The following LGR5 variants were observed in gnomAD, a reference collection of about 807,000 sequenced individuals.
LGR5 encodes leucine-rich repeat-containing G protein-coupled receptor 5.
LGR5 carries 54 observed loss-of-function variants against 76.7 expected under a neutral mutation model. The observed-to-expected ratio is 0.70, with a 90% confidence interval of 0.57 to 0.88. The LOEUF (loss-of-function observed/expected upper bound fraction) is 0.88, where lower values mean the gene tolerates loss of function less well. LGR5 is among the 40% of genes least tolerant of loss of function. LGR5 has a pLI of 0.00. For missense variants in LGR5, 1,078 were observed against 1,073.3 expected (o/e 1.00, Z -0.06); for synonymous variants, 406 against 421.9 (o/e 0.96, Z 0.46).
At chr12:71,553,328 A>G (rs1343940296) in intron 5 of LGR5, 40 bp downstream of exon 5, 1 of 1,537,204 alleles carries the variant, frequency 6.5e-7, no homozygotes, top group Non-Finnish European at 9.0e-7. Context: ...ACAGTTTCTA[A>G]TGTCACTGGA....
Position 71,448,084 on chromosome 12 carries a change from A to AACACACACACACACACAC in LGR5, c.212+7804_212+7821dup, listed in dbSNP as rs35911721. On this transcript the variant is annotated intron_variant, in intron 1 of 17. Coordinates refer to ENST00000266674, the MANE Select transcript of LGR5 (RefSeq NM_003667.4). ...TCCTCGTCTCCCTCACACACACACA[A>AACACACACACACACACAC]ACACACACACACACACACACACACA... 6.4e-3 allele frequency among the ~76,000 whole-genome samples: 929 copies of AACACACACACACACACAC among 145,654 alleles called. 3 individuals carry two copies. The highest frequency in any genetic ancestry group is 9.3e-3 in the Non-Finnish European group (609 of 65,754).
chr12:71,449,032 G>A (rs34645176), intron 1 of LGR5, among the ~76,000 whole-genome samples: 3,638 of 152,310 alleles, frequency 0.024, 58 homozygotes, highest in Non-Finnish European at 0.038. Flanking sequence ...CAGTGCTGAC[G>A]GAACTGAGAG....
intron 4 of LGR5, among the ~76,000 whole-genome samples, chr12:71,541,512 C>G (rs971933423): frequency 1.4e-4 from 21 of 152,194 alleles, no homozygotes; most frequent in Admixed American, 4.6e-4. Flanking sequence ...CACAGTCTTT[C>G]TGCCTTTTCA....
chr12:71,558,684 C>A (rs986263024), intron 6 of LGR5, among the ~76,000 whole-genome samples: 2 of 152,198 alleles, frequency 1.3e-5, no homozygotes, highest in African/African-American at 4.8e-5. Context: ...AATTAAATAG[C>A]AATTCTCCAC....
intron 1 of LGR5, among the ~76,000 whole-genome samples, chr12:71,484,596 G>T (rs1439122945): frequency 6.6e-6 from 1 of 152,108 alleles, no homozygotes; most frequent in East Asian, 1.9e-4. Flanking sequence ...GAGGTTACAG[G>T]CTTTTGATTC....
chr12:71,501,716 G>A (rs1413168549), intron 1 of LGR5, among the ~76,000 whole-genome samples: 1 of 152,040 alleles, frequency 6.6e-6, no homozygotes, highest in African/African-American at 2.4e-5. Context: ...ATTGAGCCTT[G>A]TATTTTGTAT....
chr12:71,534,746 T>C (rs1876497219), intron 3 of LGR5, among the ~76,000 whole-genome samples: 1 of 152,214 alleles, frequency 6.6e-6, no homozygotes, highest in Admixed American at 6.5e-5. Flanking sequence ...CTCTTTTCCT[T>C]GGTAACTTTT....
chr12:71,475,210 A>G (rs1873274171), intron 1 of LGR5, among the ~76,000 whole-genome samples: 1 of 152,176 alleles, frequency 6.6e-6, no homozygotes, highest in Admixed American at 6.5e-5. Context: ...TTAATATGGA[A>G]TAATGACACA....
chr12:71,527,611 CT>C (rs1381308394), intron 3 of LGR5, among the ~76,000 whole-genome samples: 1 of 152,128 alleles, frequency 6.6e-6, no homozygotes, highest in Non-Finnish European at 1.5e-5. Flanking sequence ...ATAAAGCAAA[CT>C]TTTGAGGAAA....
intron 4 of LGR5, among the ~76,000 whole-genome samples, chr12:71,535,399 A>T (rs1403305339): frequency 1.3e-5 from 2 of 152,128 alleles, no homozygotes; most frequent in African/African-American, 4.8e-5. Flanking sequence ...TAGGGTGGAC[A>T]TTTAATTGCA....
Position 71,584,004 on chromosome 12 carries a change from CTG to C in LGR5, c.1997_1998del (p.Val666GlufsTer7). 6.2e-7 allele frequency: 1 copy of C among 1,614,206 alleles called. No homozygotes were observed. Among genetic ancestry groups the C allele is most frequent in the East Asian group, 2.2e-5 (1 of 44,880 alleles). On this transcript the variant is annotated frameshift_variant, in exon 18 of 18. Transcript: ENST00000266674. LOFTEE classifies it low-confidence loss of function (END_TRUNC). ...CTGGCAGCCCTGGAGCGTGGGTTCT[CTG>C]TGAAATATTCTGCAAAATTTGAAAC...
intron 1 of LGR5, among the ~76,000 whole-genome samples, chr12:71,497,177 T>C (rs1053695626): frequency 2.0e-5 from 3 of 151,964 alleles, no homozygotes; most frequent in Non-Finnish European, 2.9e-5. Flanking sequence ...TAGCCAAGTA[T>C]GGTAGTGCAA....
chr12:71,566,645 G>C lies in LGR5; in HGVS notation c.943G>C (p.Ala315Pro), dbSNP rs772740418. 20 of 1,612,874 alleles carry C rather than the reference G, an allele frequency of 1.2e-5. No individual in the cohort carries two copies. Among genetic ancestry groups the C allele is most frequent in the Non-Finnish European group, 1.4e-5 (17 of 1,179,010 alleles). Residue 315 changes from alanine (A) to proline (P), a missense_variant, in exon 10 of 18, where the codon GCC becomes CCC. By Grantham distance (27) the Ala-to-Pro change is conservative (BLOSUM62 -1). Transcript: ENST00000266674. The stretch of plus-strand genomic sequence containing the variant: ...TCCTCTTTCTAGGACTCTGAATGGT[G>C]CCTCACAAATAACTGAATTTCCTGA... ...PELRTLTLNGASQITEFPDLT... is the reference protein window; with the variant it reads ...PELRTLTLNGPSQITEFPDLT...
Position 71,584,369 on chromosome 12 carries a change from T to C in LGR5, c.2359T>C (p.Phe787Leu). The stretch of plus-strand genomic sequence containing the variant: ...AAACTGCCCTGTGGCTTTCTTGTCC[T>C]TCTCCTCTTTAATAAACCTTACATT... ...ILNCPVAFLS[F>L]SSLINLTFIS... is the part of the protein sequence containing the mutation. Residue 787 changes from phenylalanine to leucine, a missense_variant, in exon 18 of 18, where the codon TTC (phenylalanine) becomes CTC (leucine). Transcript: ENST00000266674. The C allele has an allele frequency of 6.2e-7, 1 of 1,614,216 alleles. No individual in the cohort carries two copies. Among genetic ancestry groups the C allele is most frequent in the South Asian group, 1.1e-5 (1 of 91,082 alleles).
At chr12:71,571,264 T>C in intron 11 of LGR5, 1 of 314,378 alleles carries the variant, frequency 3.2e-6, no homozygotes. Flanking sequence ...ACTAACAAAA[T>C]ATAAATGAAT....
At chr12:71,448,071 TCA>T (rs34360456) in intron 1 of LGR5, among the ~76,000 whole-genome samples, 1 of 122,074 alleles carries the variant, frequency 8.2e-6, no homozygotes, top group African/African-American at 3.3e-5. Flanking sequence ...CTCGTCTCCC[TCA>T]CACACACACA....
At chr12:71,548,321 G>GTGTGTATGTA (rs147007812) in intron 4 of LGR5, among the ~76,000 whole-genome samples, 2 of 151,146 alleles carry the variant, frequency 1.3e-5, no homozygotes, top group African/African-American at 2.4e-5. Flanking sequence ...GTGTGTGTGT[G>GTGTGTATGTA]TGTGCGTAGA....
chr12:71,440,020 C>G lies in LGR5; in HGVS notation c.-61C>G, dbSNP rs375258674. 7 of 1,526,496 alleles carry G rather than the reference C, an allele frequency of 4.6e-6. No individual in the cohort carries two copies. The highest frequency in any genetic ancestry group is 4.5e-5 in the South Asian group (4 of 89,228). The allele number at this position is 1,526,496 out of a possible 1,614,324, so 94.6% of individuals were successfully genotyped here. A position where few individuals can be genotyped will look rare whatever the true frequency, so the allele number is the denominator to read the frequency against. The stretch of plus-strand genomic sequence containing the variant: ...GAGCGGCGCCCGGCGCGCCACGGCC[C>G]GTAGCAGTCCGGTGCTGCTCTCCGC... On this transcript the variant is annotated 5_prime_UTR_variant, in exon 1 of 18. Transcript: ENST00000266674. This position sits in a 1 kb window ranked among gnomAD's most constrained non-coding sequence, Gnocchi z 5.3.
Position 71,463,549 on chromosome 12 carries a change from C to G in LGR5, c.212+23257C>G, listed in dbSNP as rs937052688. Among the ~76,000 whole-genome samples the G allele has an allele frequency of 3.9e-5, 6 of 152,162 alleles. No homozygotes were observed. In the East Asian group the frequency reaches 1.2e-3, roughly 29 times the overall value. Reference sequence around the variant, plus strand: ...AAAATGAGACTGGTTCTACAAAGTACTCAGTACAGCACCTAGCAGATAGCA... The same window carrying G: ...AAAATGAGACTGGTTCTACAAAGTAGTCAGTACAGCACCTAGCAGATAGCA... On this transcript the variant is annotated intron_variant, in intron 1 of 17. Coordinates refer to ENST00000266674, the MANE Select transcript of LGR5 (RefSeq NM_003667.4).
Sources: allele counts gnomAD v4.1 joint callset (sites outside exome capture counted in the v4.1 genomes callset), GRCh38; gene constraint gnomAD v4.1.1; non-coding constraint Gnocchi (gnomAD v3.1); transcripts MANE v1.5; gene names NCBI Gene and HGNC (gene_info 2026-07-23, HGNC 2026-07-21).